LRRFIP1: variants seen among roughly 807,000 people sequenced by gnomAD.
LRRFIP1 encodes LRR binding FLII interacting protein 1.
Under a neutral mutation model 104.4 loss-of-function variants are expected in LRRFIP1, and 62 were observed. That is an observed-to-expected ratio of 0.59 (90% CI 0.48 to 0.73). The LOEUF (loss-of-function observed/expected upper bound fraction) is 0.73. Ranked by LOEUF, LRRFIP1 falls within the 30% of genes least tolerant of loss-of-function variation. The probability of loss-of-function intolerance (pLI) is 0.00; values close to 1 mark genes in which losing one functional copy is unlikely to be tolerated. For synonymous variants in LRRFIP1, 300 were observed against 299.0 expected (o/e 1.00, Z -0.03); for missense variants, 796 against 824.5 (o/e 0.97, Z 0.42).
At chr2:237,634,714 T>C (rs1559436937) in intron 1 of LRRFIP1, among the ~76,000 whole-genome samples, 1 of 152,368 alleles carries the variant, frequency 6.6e-6, no homozygotes, top group East Asian at 1.9e-4. Flanking sequence ...TACTATAATC[T>C]TTCTTTCCTT....
At chr2:237,629,974 T>G (rs535814059) in intron 1 of LRRFIP1, among the ~76,000 whole-genome samples, 1 of 152,350 alleles carries the variant, frequency 6.6e-6, no homozygotes, top group African/African-American at 2.4e-5. Flanking sequence ...CACTCTTCTC[T>G]GGGCCTCTGT....
chr2:237,713,913 T>A (rs2094215676), intron 2 of LRRFIP1, among the ~76,000 whole-genome samples: 2 of 152,224 alleles, frequency 1.3e-5, no homozygotes, highest in East Asian at 3.8e-4. Context: ...TTGATTAAAC[T>A]TTTATTACCG....
At chr2:237,650,521 G>C (rs1441292701) in intron 1 of LRRFIP1, among the ~76,000 whole-genome samples, 1 of 148,660 alleles carries the variant, frequency 6.7e-6, no homozygotes, top group Non-Finnish European at 1.5e-5. Context: ...GGCAGGTTAC[G>C]CACTGCAGAA....
At chr2:237,739,126 C>A in intron 10 of LRRFIP1, 106 bp from the exon 11 acceptor site, 1 of 987,844 alleles carries the variant, frequency 1.0e-6, no homozygotes, top group Non-Finnish European at 1.5e-6. Context: ...GCTAACCTCA[C>A]CACTTACTGC....
At chr2:237,752,622 C>A (rs1013681032) in intron 14 of LRRFIP1, among the ~76,000 whole-genome samples, 1 of 152,216 alleles carries the variant, frequency 6.6e-6, no homozygotes, top group Non-Finnish European at 1.5e-5. Context: ...GTTTTGGAAT[C>A]GCCTTCCCCT....
At chr2:237,738,252 A>G (rs1013240686) in intron 10 of LRRFIP1, among the ~76,000 whole-genome samples, 1 of 148,788 alleles carries the variant, frequency 6.7e-6, no homozygotes, top group Non-Finnish European at 1.5e-5. Context: ...TGAGATCTTG[A>G]GCACCCGTGA....
At chr2:237,675,450 C>T (rs983242468) in intron 1 of LRRFIP1, among the ~76,000 whole-genome samples, 2 of 152,156 alleles carry the variant, frequency 1.3e-5, no homozygotes, top group African/African-American at 4.8e-5. Flanking sequence ...AAATATTATT[C>T]CAAGAATGCT....
At chr2:237,657,936 C>CCAAGGTTCAGAACG (rs1026892808) in intron 1 of LRRFIP1, among the ~76,000 whole-genome samples, 2 of 152,148 alleles carry the variant, frequency 1.3e-5, no homozygotes, top group Non-Finnish European at 2.9e-5. Flanking sequence ...TTTTTAAACC[C>CCAAGGTTCAGAACG]CAAGGTTCAG....
chr2:237,680,017 T>C (rs1252592769), intron 1 of LRRFIP1, among the ~76,000 whole-genome samples: 1 of 152,154 alleles, frequency 6.6e-6, no homozygotes. Context: ...CTGAAGGACA[T>C]AGTCAGTTGA....
At chr2:237,748,507 C>A in intron 12 of LRRFIP1, 108 bp downstream of exon 12, 1 of 1,076,176 alleles carries the variant, frequency 9.3e-7, no homozygotes. Context: ...AGCGAGGGAA[C>A]TGGACTAGAA....
At chr2:237,777,783 T>C (rs1054797276) in intron 23 of LRRFIP1, among the ~76,000 whole-genome samples, 3 of 152,204 alleles carry the variant, frequency 2.0e-5, no homozygotes, top group African/African-American at 4.8e-5. Flanking sequence ...TCCTCTTTTT[T>C]AGTCTCTCCA....
intron 1 of LRRFIP1, among the ~76,000 whole-genome samples, chr2:237,648,064 G>C (rs550595875): frequency 6.6e-6 from 1 of 152,138 alleles, no homozygotes; most frequent in South Asian, 2.1e-4. Flanking sequence ...TAGAGGCAGT[G>C]TATGAGTCCA....
At chr2:237,634,352 A>G (rs1341058533) in intron 1 of LRRFIP1, among the ~76,000 whole-genome samples, 1 of 152,236 alleles carries the variant, frequency 6.6e-6, no homozygotes, top group Non-Finnish European at 1.5e-5. Context: ...CCTTCTCTGC[A>G]TCACACTATA....
At chr2:237,659,720 G>A (rs1055181460) in intron 1 of LRRFIP1, among the ~76,000 whole-genome samples, 2 of 151,268 alleles carry the variant, frequency 1.3e-5, no homozygotes, top group Non-Finnish European at 1.5e-5. Flanking sequence ...ATTGCTCATC[G>A]CTGCCTCGCT....
chr2:237,755,095 G>A lies in LRRFIP1; in HGVS notation c.1039-1000G>A, dbSNP rs554568841. 1.6e-4 allele frequency among the ~76,000 whole-genome samples: 24 copies of A among 152,326 alleles called. No individual in the cohort carries two copies. In the South Asian group the frequency reaches 4.1e-3, roughly 26 times the overall value. On this transcript the variant is annotated intron_variant, in intron 15 of 23. Transcript: ENST00000308482. ...CGCCTGACAGGTCTAGGGAAGGAGC[G>A]TCCTGCAGGCCTGTAAGCTGTCAGC... is the stretch of plus-strand genomic sequence containing the variant.
intron 15 of LRRFIP1, among the ~76,000 whole-genome samples, chr2:237,753,842 ATGTAT>A (rs2058947860): frequency 1.2e-5 from 1 of 80,048 alleles, no homozygotes; most frequent in Admixed American, 1.4e-4. Context: ...GTGTGTGTGT[ATGTAT>A]GTATGTATGT....
intron 7 of LRRFIP1, among the ~76,000 whole-genome samples, chr2:237,725,225 TC>T (rs745434010): frequency 1.3e-5 from 2 of 152,206 alleles, no homozygotes; most frequent in Non-Finnish European, 2.9e-5. Context: ...TCTGTAGGTA[TC>T]CTGATTCCCT....
At chr2:237,731,165 C>T (rs1162324027) in intron 8 of LRRFIP1, among the ~76,000 whole-genome samples, 1 of 152,222 alleles carries the variant, frequency 6.6e-6, no homozygotes, top group African/African-American at 2.4e-5. Context: ...GAAATCTATG[C>T]AATTCCTCTG....
intron 1 of LRRFIP1, among the ~76,000 whole-genome samples, chr2:237,688,922 T>A (rs143352565): frequency 6.6e-6 from 1 of 152,026 alleles, no homozygotes; most frequent in Admixed American, 6.6e-5. Context: ...TGTATCTCCA[T>A]GTTTCTATAA....
Sources: gnomAD v4.1 joint callset for allele counts (sites outside exome capture counted in the v4.1 genomes callset) on GRCh38, gnomAD v4.1.1 for gene constraint, MANE v1.5 for transcripts, NCBI Gene and HGNC (gene_info 2026-07-23, HGNC 2026-07-21) for gene names.